SRPX2: variants seen among roughly 807,000 people sequenced by gnomAD.
SRPX2 encodes sushi repeat containing protein X-linked 2.
SRPX2 carries 26 observed loss-of-function variants against 45.3 expected under a neutral mutation model. The ratio of observed to expected loss-of-function variants is 0.57; its 90% CI spans 0.42 to 0.80. SRPX2 has a LOEUF of 0.80. SRPX2 is among the 30% of genes least tolerant of loss of function. The pLI, the probability that SRPX2 is intolerant of heterozygous loss-of-function variation, is 0.00. For synonymous variants in SRPX2, 125 were observed against 143.7 expected (o/e 0.87, Z 0.93); for missense variants, 355 against 399.8 (o/e 0.89, Z 0.95).
chrX:100,649,650 T>TG (rs1415013567), intron 2 of SRPX2: 4 of 111,841 alleles, frequency 3.6e-5, no homozygotes, highest in Non-Finnish European at 7.5e-5. Context: ...AGTCTGGGCC[T>TG]GTGGGGAATG....
At chrX:100,651,400 A>C (rs2147641049) in intron 3 of SRPX2, among the ~76,000 whole-genome samples, 1 of 111,465 alleles carries the variant, frequency 9.0e-6, no homozygotes, top group Admixed American at 9.5e-5. Flanking sequence ...AAAATACGGA[A>C]GTAAGAACAA....
chrX:100,646,326 G>A lies in SRPX2; in HGVS notation c.4G>A (p.Ala2Thr). Residue 2 changes from alanine to threonine, a missense_variant, in exon 2 of 11, where the codon GCC becomes ACC. Ala to Thr is a moderately conservative substitution (Grantham distance 58, BLOSUM62 0). Coordinates refer to ENST00000373004, the MANE Select transcript of SRPX2 (RefSeq NM_014467.3). ...TCCATAATCCTCCCTTTCAAGGATG[G>A]CCAGTCAGCTAACTCAAAGAGGAGC... MASQLTQRGALF... is the reference protein window; with the variant it reads MTSQLTQRGALF... 1.7e-5 allele frequency: 21 copies of A among 1,209,992 alleles called. No individual in the cohort carries two copies. The highest frequency in any genetic ancestry group is 2.3e-5 in the Non-Finnish European group (21 of 894,646).
intron 3 of SRPX2, among the ~76,000 whole-genome samples, chrX:100,659,637 A>G: frequency 9.0e-6 from 1 of 111,717 alleles, no homozygotes; most frequent in Non-Finnish European, 1.9e-5. Flanking sequence ...TCACTGCCAC[A>G]GGCTCAAAAG....
At chrX:100,646,464 T>G (rs1294159372) in intron 2 of SRPX2, 60 bp downstream of exon 2, 4 of 1,029,957 alleles carry the variant, frequency 3.9e-6, no homozygotes, top group Non-Finnish European at 5.4e-6. Context: ...GACCAAGACT[T>G]GGAGAAGGAA....
intron 3 of SRPX2, among the ~76,000 whole-genome samples, chrX:100,651,682 T>C (rs764106555): frequency 1.4e-4 from 15 of 106,902 alleles, no homozygotes; most frequent in Admixed American, 1.3e-3. Context: ...CTCAGGTGGC[T>C]GAAGCAGGAG....
At position 100,675,685 on chromosome X, in the gene SRPX2, C is replaced by T. The variant is rs993520169; in HGVS notation, c.*4698C>T. The T allele has an allele frequency of 2.1e-5, 3 of 143,100 alleles. No homozygotes were observed. The highest frequency in any genetic ancestry group is 3.1e-5 in the African/African-American group (1 of 31,886). The allele number at this position is 143,100 out of a possible 1,213,427, so 11.8% of individuals were successfully genotyped here. ...GGAAGTAGGAACAATGATAGCAAGA[C>T]AGAAGATAAAAAGTTGTTTTAAAAG... On this transcript the variant is annotated 3_prime_UTR_variant, in exon 11 of 11. Transcript: ENST00000373004.
intron 2 of SRPX2, chrX:100,650,376 T>C: frequency 5.9e-6 from 1 of 170,680 alleles, no homozygotes; most frequent in Non-Finnish European, 1.1e-5. Context: ...ACAGGTTCTG[T>C]TTTTGCCTCC....
chrX:100,658,268 C>G (rs1014138270), intron 3 of SRPX2, among the ~76,000 whole-genome samples: 2 of 111,669 alleles, frequency 1.8e-5, no homozygotes, highest in Admixed American at 1.9e-4. Context: ...GTTTTTACTC[C>G]ACCTTGAGTA....
intron 1 of SRPX2, among the ~76,000 whole-genome samples, chrX:100,645,269 G>A (rs1470734107): frequency 8.9e-6 from 1 of 112,064 alleles, no homozygotes; most frequent in Admixed American, 9.4e-5. Flanking sequence ...TTGCTGAAAT[G>A]CCCAGTGGCC....
At chrX:100,650,208 G>A (rs1396756713) in intron 2 of SRPX2, 1 of 115,669 alleles carries the variant, frequency 8.6e-6, no homozygotes. Context: ...ATTTCCTCTT[G>A]CCTTTTAAGT....
rs1378393239 is a variant in SRPX2 at position 100,665,373 on chromosome X, AGCCTGAATAATGGAT to A, written c.659+8_659+22del. 1 of 1,209,283 alleles carries A rather than the reference AGCCTGAATAATGGAT, an allele frequency of 8.3e-7. No homozygotes were observed. The highest frequency in any genetic ancestry group is 2.2e-5 in the Admixed American group (1 of 45,873). On this transcript the variant is annotated splice_donor_5th_base_variant and intron_variant, in intron 6 of 10. Coordinates refer to ENST00000373004, the MANE Select transcript of SRPX2 (RefSeq NM_014467.3). ...CTGCTGATGGTACCATCACCAGGTG[AGCCTGAATAATGGAT>A]GCCCCTTATGCCTTCCCTCGGCTTC...
At position 100,662,348 on chromosome X, in the gene SRPX2, T is replaced by C. The variant is rs746320699; in HGVS notation, c.336T>C (p.Ser112=). Residue 112 remains serine (S), a synonymous_variant, in exon 4 of 11, where the codon TCT becomes TCC. Coordinates refer to ENST00000373004, the MANE Select transcript of SRPX2 (RefSeq NM_014467.3). ...AATGCCTGCCAAGCCGTCGTTGGTCTGGAACTGCCTACTGCAGGCGTAAGT... is the reference window on the plus strand; with the variant it reads ...AATGCCTGCCAAGCCGTCGTTGGTCCGGAACTGCCTACTGCAGGCGTAAGT... ...SVQCLPSRRW[S]GTAYCRQMRC... 8.3e-6 allele frequency: 10 copies of C among 1,210,232 alleles called. No individual in the cohort carries two copies. In the Admixed American group the frequency reaches 2.2e-4, roughly 26 times the overall value.
At chrX:100,646,825 A>AG (rs1177524830) in intron 2 of SRPX2, among the ~76,000 whole-genome samples, 2 of 112,138 alleles carry the variant, frequency 1.8e-5, no homozygotes, top group Admixed American at 1.9e-4. Context: ...GGAAAAAATA[A>AG]GGGGGGCAGG....
intron 3 of SRPX2, among the ~76,000 whole-genome samples, chrX:100,652,311 G>A (rs1242685664): frequency 8.9e-6 from 1 of 112,150 alleles, no homozygotes; most frequent in Non-Finnish European, 1.9e-5. Context: ...ACAAACTGAT[G>A]TCTGAAAGCA....
chrX:100,652,777 C>T (rs1253142839), intron 3 of SRPX2, among the ~76,000 whole-genome samples: 3 of 111,218 alleles, frequency 2.7e-5, no homozygotes, highest in Non-Finnish European at 5.7e-5. Context: ...GCTTTGAGCT[C>T]CTCTGAGCAT....
chrX:100,653,703 G>A (rs912094382), intron 3 of SRPX2, among the ~76,000 whole-genome samples: 1 of 111,749 alleles, frequency 8.9e-6, no homozygotes, highest in Non-Finnish European at 1.9e-5. Flanking sequence ...TTCTTTCATC[G>A]AATATTTATT....
chrX:100,664,217 T>A (rs2083196802), intron 4 of SRPX2, among the ~76,000 whole-genome samples: 1 of 23,369 alleles, frequency 4.3e-5, no homozygotes, highest in African/African-American at 7.3e-5. Context: ...CAGGTCTGAT[T>A]TTTTTTTTTT....
chrX:100,660,313 A>T (rs1163669852), intron 3 of SRPX2, among the ~76,000 whole-genome samples: 1 of 109,906 alleles, frequency 9.1e-6, no homozygotes, highest in African/African-American at 3.3e-5. Flanking sequence ...CCCTACCTCT[A>T]CCCCTAATCT....
chrX:100,657,347 G>GTTTTTTTTTTTTTTTTTTTTTT (rs1569359823), intron 3 of SRPX2, among the ~76,000 whole-genome samples: 2 of 11,652 alleles, frequency 1.7e-4, no homozygotes, highest in Non-Finnish European at 2.2e-4. Context: ...TGTTATTTAT[G>GTTTTTTTTTTTTTTTTTTTTTT]TCTTTTTTTT....
Sources: gnomAD v4.1 joint callset for allele counts (sites outside exome capture counted in the v4.1 genomes callset) on GRCh38, gnomAD v4.1.1 for gene constraint, MANE v1.5 for transcripts, NCBI Gene and HGNC (gene_info 2026-07-23, HGNC 2026-07-21) for gene names.